CDK14: variants seen among roughly 807,000 people sequenced by gnomAD.
CDK14 encodes cyclin-dependent kinase 14.
A neutral mutation model predicts 60.7 loss-of-function variants in CDK14; 34 were observed. The observed-to-expected ratio is 0.56, with a 90% CI of 0.43 to 0.75. The LOEUF is 0.75. Among genes scored for constraint, CDK14 ranks in the 30% least tolerant of loss-of-function variants. CDK14 has a pLI of 0.00. For missense variants in CDK14, 482 were observed against 564.1 expected (o/e 0.85, Z 1.47); for synonymous variants, 197 against 203.7 (o/e 0.97, Z 0.28).
intron 2 of CDK14, among the ~76,000 whole-genome samples, chr7:90,686,515 C>A (rs185724503): frequency 5.6e-4 from 85 of 152,208 alleles, no homozygotes; most frequent in Non-Finnish European, 9.4e-4. Flanking sequence ...TGAGAAGCTC[C>A]TGGAGGACAT....
At chr7:91,123,535 T>G (rs1392209393) in intron 14 of CDK14, among the ~76,000 whole-genome samples, 2 of 152,166 alleles carry the variant, frequency 1.3e-5, no homozygotes, top group African/African-American at 4.8e-5. Flanking sequence ...GAACCTCAAA[T>G]GCATGATGCA....
intron 5 of CDK14, among the ~76,000 whole-genome samples, chr7:90,805,103 G>A: frequency 6.6e-6 from 1 of 152,030 alleles, no homozygotes; most frequent in South Asian, 2.1e-4. Flanking sequence ...AAATTGAGGT[G>A]TTTGTTCAAA....
chr7:90,876,235 G>GA (rs1414475513), intron 6 of CDK14, among the ~76,000 whole-genome samples: 4 of 152,124 alleles, frequency 2.6e-5, no homozygotes, highest in African/African-American at 9.7e-5. Context: ...GATTCCCAAT[G>GA]AAAAAACTTC....
At chr7:90,785,868 C>T (rs946829663) in intron 4 of CDK14, among the ~76,000 whole-genome samples, 6 of 151,528 alleles carry the variant, frequency 4.0e-5, no homozygotes, top group Non-Finnish European at 8.8e-5. Context: ...AAATTTAGGG[C>T]ACACAGATGT....
At chr7:91,005,530 T>A (rs1795960640) in intron 10 of CDK14, among the ~76,000 whole-genome samples, 1 of 152,184 alleles carries the variant, frequency 6.6e-6, no homozygotes. Context: ...AAATCACACA[T>A]GAATACATAT....
chr7:90,868,645 A>G (rs1018941262), intron 6 of CDK14, among the ~76,000 whole-genome samples: 3 of 152,214 alleles, frequency 2.0e-5, no homozygotes, highest in African/African-American at 7.2e-5. Flanking sequence ...AACTGTATCA[A>G]TAGAAATCAT....
chr7:90,739,492 T>G (rs1803262150), intron 3 of CDK14, among the ~76,000 whole-genome samples: 1 of 152,170 alleles, frequency 6.6e-6, no homozygotes, highest in African/African-American at 2.4e-5. Flanking sequence ...GTCTTAAAAA[T>G]AACTACATTA....
At chr7:90,610,644 C>T (rs953179894) in intron 2 of CDK14, among the ~76,000 whole-genome samples, 1 of 152,186 alleles carries the variant, frequency 6.6e-6, no homozygotes, top group Non-Finnish European at 1.5e-5. Context: ...TTAGAGAAGG[C>T]TCCATTCCAG....
intron 5 of CDK14, among the ~76,000 whole-genome samples, chr7:90,797,703 T>C (rs529944563): frequency 6.6e-6 from 1 of 152,020 alleles, no homozygotes; most frequent in East Asian, 1.9e-4. Flanking sequence ...TCAATCATCC[T>C]ATAAGGCAAA....
chr7:91,086,685 A>G lies in CDK14; in HGVS notation c.1154+7205A>G, dbSNP rs181723022. On this transcript the variant is annotated intron_variant, in intron 12 of 14. Transcript: ENST00000380050. ...GGTGTGTGTGTGTGTGTGTGTGTGTATATATCTTAATTCTTAAGTTTTAGG... is the reference window on the plus strand; with the variant it reads ...GGTGTGTGTGTGTGTGTGTGTGTGTGTATATCTTAATTCTTAAGTTTTAGG... Among the ~76,000 whole-genome samples, 1,146 of 151,624 alleles carry G rather than the reference A, an allele frequency of 7.6e-3. 9 individuals are homozygous for G. Among genetic ancestry groups the G allele is most frequent in the Non-Finnish European group, 0.012 (821 of 67,820 alleles).
intron 2 of CDK14, among the ~76,000 whole-genome samples, chr7:90,703,290 C>A (rs989781975): frequency 1.3e-5 from 2 of 152,138 alleles, no homozygotes; most frequent in Non-Finnish European, 2.9e-5. Context: ...ACATTTGGAA[C>A]TCTGTGATAC....
chr7:90,677,159 A>G (rs1801216952), intron 2 of CDK14, among the ~76,000 whole-genome samples: 1 of 152,186 alleles, frequency 6.6e-6, no homozygotes, highest in Admixed American at 6.5e-5. Context: ...ACTTGTCATT[A>G]CAAGTGCTTA....
chr7:91,042,334 C>T (rs534039645), intron 10 of CDK14, among the ~76,000 whole-genome samples: 2 of 152,090 alleles, frequency 1.3e-5, no homozygotes, highest in African/African-American at 2.4e-5. Flanking sequence ...ACTAAACCAC[C>T]CTCTCCCGGT....
chr7:90,683,928 G>A (rs1801376354), intron 2 of CDK14, among the ~76,000 whole-genome samples: 1 of 148,946 alleles, frequency 6.7e-6, no homozygotes, highest in African/African-American at 2.5e-5. Context: ...GTGTGTGTGT[G>A]TGTGTATGCA....
At chr7:90,623,041 G>A (rs982578023) in intron 2 of CDK14, among the ~76,000 whole-genome samples, 2 of 148,722 alleles carry the variant, frequency 1.3e-5, no homozygotes, top group Non-Finnish European at 3.0e-5. Context: ...TAATGTAATA[G>A]CATGCCATTT....
At chr7:90,697,295 C>T (rs548092051) in intron 2 of CDK14, among the ~76,000 whole-genome samples, 1 of 152,094 alleles carries the variant, frequency 6.6e-6, no homozygotes, top group Non-Finnish European at 1.5e-5. Context: ...TTAATATCTA[C>T]AGTCGCTATA....
intron 5 of CDK14, among the ~76,000 whole-genome samples, chr7:90,837,031 C>T (rs1171971668): frequency 1.3e-5 from 2 of 152,164 alleles, no homozygotes. Flanking sequence ...CAGGAAAATA[C>T]AAAATCATAA....
intron 8 of CDK14, among the ~76,000 whole-genome samples, chr7:90,934,722 A>T (rs746139165): frequency 6.6e-6 from 1 of 152,250 alleles, no homozygotes; most frequent in Non-Finnish European, 1.5e-5. Flanking sequence ...TGTTCCTTAA[A>T]AACTATTATT....
intron 8 of CDK14, among the ~76,000 whole-genome samples, chr7:90,927,735 A>G (rs1443746486): frequency 6.6e-6 from 1 of 151,990 alleles, no homozygotes; most frequent in Non-Finnish European, 1.5e-5. Flanking sequence ...CATTCTCTGT[A>G]TTTCCTGAAT....
Sources: gnomAD v4.1 joint callset for allele counts (sites outside exome capture counted in the v4.1 genomes callset) on GRCh38, gnomAD v4.1.1 for gene constraint, MANE v1.5 for transcripts, NCBI Gene and HGNC (gene_info 2026-07-23, HGNC 2026-07-21) for gene names.